The following KLHL3 variants were observed in gnomAD, a reference collection of about 807,000 sequenced individuals.
KLHL3 encodes kelch-like protein 3.
Under a neutral mutation model 70.5 loss-of-function variants are expected in KLHL3, and 19 were observed. That is an observed-to-expected ratio of 0.27 (90% CI 0.19 to 0.40). The LOEUF (loss-of-function observed/expected upper bound fraction) is 0.40, where lower values mean the gene tolerates loss of function less well. KLHL3 is among the 10% of genes least tolerant of loss of function. The pLI, the probability that KLHL3 is intolerant of heterozygous loss-of-function variation, is 1.00. For synonymous variants in KLHL3, 258 were observed against 290.3 expected (o/e 0.89, Z 1.13); for missense variants, 512 against 771.1 (o/e 0.66, Z 3.98).
At chr5:137,689,004 A>G (rs1752253695) in intron 5 of KLHL3, among the ~76,000 whole-genome samples, 1 of 152,226 alleles carries the variant, frequency 6.6e-6, no homozygotes, top group African/African-American at 2.4e-5. Context: ...TCATCATCAG[A>G]TAGTGAAAGG....
Position 137,666,801 on chromosome 5 carries a change from T to C in KLHL3, c.637-4770A>G, listed in dbSNP as rs76861668. ...ACAAGCAAATAAACTTCCAACTTGCTTTAGCTTTCAATGTACCCAAAATGG... is the reference window on the plus strand; with the variant it reads ...ACAAGCAAATAAACTTCCAACTTGCCTTAGCTTTCAATGTACCCAAAATGG... On this transcript the variant is annotated intron_variant, in intron 6 of 14. Coordinates refer to ENST00000309755, the MANE Select transcript of KLHL3 (RefSeq NM_017415.3). Among the ~76,000 whole-genome samples the C allele has an allele frequency of 3.7e-3, 569 of 152,260 alleles. 4 individuals carry two copies. The highest frequency in any genetic ancestry group is 6.2e-3 in the Non-Finnish European group (425 of 68,008).
intron 2 of KLHL3, among the ~76,000 whole-genome samples, chr5:137,714,770 T>C (rs539536098): frequency 1.6e-4 from 25 of 152,176 alleles, no homozygotes; most frequent in Non-Finnish European, 3.5e-4. Flanking sequence ...TTTAAACGGG[T>C]AAATTGTATG....
In KLHL3 at chr5:137,692,819, TAC is replaced by T. The variant is rs3045645; in HGVS notation, c.364-374_364-373del. 982 of 168,116 alleles carry T rather than the reference TAC, an allele frequency of 5.8e-3. 3 individuals carry two copies. Among genetic ancestry groups the T allele is most frequent in the South Asian group, 7.8e-3 (55 of 7,040 alleles). The allele number at this position is 168,116 out of a possible 1,614,324, so 10.4% of individuals were successfully genotyped here. ...AACCACACTTTGAGTAACAAAACTC[TAC>T]ACACACACACACACACACACACACA... On this transcript the variant is annotated intron_variant, in intron 4 of 14. Transcript: ENST00000309755.
intron 2 of KLHL3, among the ~76,000 whole-genome samples, chr5:137,713,894 C>T (rs866511238): frequency 2.3e-4 from 35 of 151,862 alleles, no homozygotes; most frequent in African/African-American, 6.1e-4. Context: ...TATTATTATA[C>T]ATTAAGTTTT....
At chr5:137,723,317 T>G (rs545316493) in intron 1 of KLHL3, among the ~76,000 whole-genome samples, 1 of 152,318 alleles carries the variant, frequency 6.6e-6, no homozygotes, top group African/African-American at 2.4e-5. Flanking sequence ...TGCATTGAAT[T>G]TATAGATCAA....
intron 3 of KLHL3, among the ~76,000 whole-genome samples, chr5:137,702,695 G>A (rs1448766143): frequency 6.6e-6 from 1 of 152,182 alleles, no homozygotes; most frequent in Non-Finnish European, 1.5e-5. Context: ...AAACAAAACA[G>A]GTGGCAGATT....
Position 137,637,402 on chromosome 5 carries a change from G to A in KLHL3, c.1220-7C>T, listed in dbSNP as rs1750795781. 4 of 1,612,790 alleles carry A rather than the reference G, an allele frequency of 2.5e-6. No homozygotes were observed. Among genetic ancestry groups the A allele is most frequent in the African/African-American group, 1.3e-5 (1 of 74,924 alleles). Reference sequence around the variant, plus strand: ...GCTTCCACCGATGCTAGGCCTGGGAGACAAGAGACTCATGAGACTTCCGTG... The same window carrying A: ...GCTTCCACCGATGCTAGGCCTGGGAAACAAGAGACTCATGAGACTTCCGTG... On this transcript the variant is annotated splice_polypyrimidine_tract_variant and splice_region_variant and intron_variant, in intron 10 of 14. Transcript: ENST00000309755.
At chr5:137,691,898 G>A (rs943314432) in intron 5 of KLHL3, among the ~76,000 whole-genome samples, 31 of 152,176 alleles carry the variant, frequency 2.0e-4, no homozygotes, top group African/African-American at 6.7e-4. Flanking sequence ...GATTACAGGC[G>A]TGAGCCACTG....
chr5:137,663,254 A>G (rs1366753031), intron 6 of KLHL3, among the ~76,000 whole-genome samples: 1 of 150,852 alleles, frequency 6.6e-6, no homozygotes, highest in Admixed American at 6.6e-5. Context: ...ACGGGGTTTC[A>G]CCATATTGGC....
At chr5:137,677,675 AGAAGTT>A in intron 5 of KLHL3, 21 bp from the exon 6 acceptor site, 4 of 1,420,580 alleles carry the variant, frequency 2.8e-6, no homozygotes, top group Non-Finnish European at 3.8e-6. Context: ...AAAAAAAAAA[AGAAGTT>A]AAGAAAACAA....
At chr5:137,679,631 G>A (rs1305454197) in intron 5 of KLHL3, among the ~76,000 whole-genome samples, 2 of 152,204 alleles carry the variant, frequency 1.3e-5, no homozygotes, top group Non-Finnish European at 2.9e-5. Flanking sequence ...AGGTGATGTG[G>A]GGAACAAATT....
chr5:137,715,513 A>G (rs1283173213), intron 2 of KLHL3, among the ~76,000 whole-genome samples: 1 of 152,122 alleles, frequency 6.6e-6, no homozygotes, highest in South Asian at 2.1e-4. Flanking sequence ...TCTATTTTTC[A>G]TAAGTTAGCC....
At chr5:137,683,654 A>T (rs1201311083) in intron 5 of KLHL3, among the ~76,000 whole-genome samples, 2 of 151,936 alleles carry the variant, frequency 1.3e-5, no homozygotes, top group Non-Finnish European at 2.9e-5. Context: ...TACTACCTCC[A>T]CACTCCCTGG....
At chr5:137,682,415 G>GAGAGAGAGAGAGAGAGAT in intron 5 of KLHL3, among the ~76,000 whole-genome samples, 1 of 151,448 alleles carries the variant, frequency 6.6e-6, no homozygotes, top group Non-Finnish European at 1.5e-5. Flanking sequence ...GAGAGAGAGA[G>GAGAGAGAGAGAGAGAGAT]AGAGAGAGAG....
intron 11 of KLHL3, among the ~76,000 whole-genome samples, chr5:137,635,601 A>T (rs1580721680): frequency 6.6e-6 from 1 of 152,190 alleles, no homozygotes; most frequent in East Asian, 1.9e-4. Context: ...GAGGAGAGGA[A>T]GCCAGACAGT....
intron 8 of KLHL3, 41 bp downstream of exon 8, chr5:137,658,090 G>T: frequency 6.3e-7 from 1 of 1,575,896 alleles, no homozygotes; most frequent in Non-Finnish European, 8.6e-7. Flanking sequence ...CTTTCCCAGG[G>T]CACAGTCCTG....
chr5:137,692,945 A>G (rs75334636), intron 4 of KLHL3, among the ~76,000 whole-genome samples: 1,707 of 152,240 alleles, frequency 0.011, 32 homozygotes, highest in African/African-American at 0.039. Context: ...ATCTAACTCA[A>G]TAGGTATGGA....
At chr5:137,713,812 A>G (rs566933463) in intron 2 of KLHL3, among the ~76,000 whole-genome samples, 14 of 152,364 alleles carry the variant, frequency 9.2e-5, no homozygotes, top group African/African-American at 2.9e-4. Context: ...GAATATGTGA[A>G]GAACTCAAAC....
At chr5:137,730,048 T>C (rs1753149937) in intron 1 of KLHL3, among the ~76,000 whole-genome samples, 1 of 152,174 alleles carries the variant, frequency 6.6e-6, no homozygotes, top group Admixed American at 6.5e-5. Context: ...TAACATTTCC[T>C]GAAAGTTGAG....
Sources: allele counts gnomAD v4.1 joint callset (sites outside exome capture counted in the v4.1 genomes callset), GRCh38; gene constraint gnomAD v4.1.1; transcripts MANE v1.5; gene names NCBI Gene and HGNC (gene_info 2026-07-23, HGNC 2026-07-21).